NCOA3: variants seen among roughly 807,000 people sequenced by gnomAD.
NCOA3 encodes the protein CBP-interacting protein.
In NCOA3, 51 loss-of-function variants were observed where a neutral mutation model predicts 158.8. That is an observed-to-expected ratio of 0.32 (90% CI 0.26 to 0.41). The LOEUF (loss-of-function observed/expected upper bound fraction) is 0.41, where lower values mean the gene tolerates loss of function less well. Among genes scored for constraint, NCOA3 ranks in the 10% least tolerant of loss-of-function variants. NCOA3 has a pLI of 1.00. For synonymous variants in NCOA3, 537 were observed against 592.4 expected (o/e 0.91, Z 1.36); for missense variants, 1,510 against 1,746.6 (o/e 0.86, Z 2.41).
chr20:47,537,578 T>C (rs1009113297), intron 1 of NCOA3, among the ~76,000 whole-genome samples: 5 of 151,082 alleles, frequency 3.3e-5, no homozygotes, highest in African/African-American at 4.9e-5. Flanking sequence ...GGGGTTTACA[T>C]AGGGTTTTTT....
chr20:47,643,279 A>G (rs2086639792), intron 17 of NCOA3, among the ~76,000 whole-genome samples: 1 of 152,246 alleles, frequency 6.6e-6, no homozygotes, highest in South Asian at 2.1e-4. Flanking sequence ...AACAGTAAGC[A>G]GGAAAGATCA....
chr20:47,591,279 A>G (rs2085634395), intron 2 of NCOA3, among the ~76,000 whole-genome samples: 1 of 152,184 alleles, frequency 6.6e-6, no homozygotes, highest in Non-Finnish European at 1.5e-5. Context: ...TAAGATACCT[A>G]GACATTTTGG....
intron 2 of NCOA3, among the ~76,000 whole-genome samples, chr20:47,600,110 TTG>T (rs11472351): frequency 0.13 from 17,885 of 142,872 alleles, 1,227 homozygotes; most frequent in Middle Eastern, 0.23. Context: ...CTCACTTCCT[TTG>T]TGTGTGTGTG....
intron 1 of NCOA3, among the ~76,000 whole-genome samples, chr20:47,506,137 G>T (rs2146041154): frequency 6.6e-6 from 1 of 152,234 alleles, no homozygotes; most frequent in East Asian, 1.9e-4. Flanking sequence ...GCTTCTTGGG[G>T]TTGGGGAGGG....
intron 1 of NCOA3, among the ~76,000 whole-genome samples, chr20:47,511,550 T>TACATACATAC (rs1556556370): frequency 7.7e-5 from 4 of 52,270 alleles, no homozygotes; most frequent in Non-Finnish European, 1.6e-4. Context: ...TATATATATA[T>TACATACATAC]ATATATTTCT....
intron 1 of NCOA3, among the ~76,000 whole-genome samples, chr20:47,510,707 G>T (rs769237136): frequency 3.3e-5 from 5 of 151,642 alleles, no homozygotes; most frequent in Non-Finnish European, 7.4e-5. Context: ...GGTCCTCCCA[G>T]CGCAGCCTCC....
chr20:47,647,799 G>GT (rs776759920), intron 18 of NCOA3, among the ~76,000 whole-genome samples: 45 of 149,486 alleles, frequency 3.0e-4, no homozygotes, highest in Non-Finnish European at 4.7e-4. Context: ...TTACCCTATT[G>GT]TTTTCTTAGT....
chr20:47,590,854 A>T (rs1226716739), intron 2 of NCOA3, among the ~76,000 whole-genome samples: 1 of 152,124 alleles, frequency 6.6e-6, no homozygotes, highest in Non-Finnish European at 1.5e-5. Context: ...TCATACCTGT[A>T]GTCCCAGCAC....
At chr20:47,547,011 C>G (rs1041830735) in intron 1 of NCOA3, among the ~76,000 whole-genome samples, 2 of 152,194 alleles carry the variant, frequency 1.3e-5, no homozygotes, top group African/African-American at 2.4e-5. Context: ...TTCTTACACT[C>G]TTAATGAGGC....
intron 1 of NCOA3, among the ~76,000 whole-genome samples, chr20:47,555,423 G>A (rs1242068984): frequency 6.6e-6 from 1 of 152,072 alleles, no homozygotes; most frequent in Non-Finnish European, 1.5e-5. Context: ...GTTGTGGTTC[G>A]TGTTTCTCAT....
chr20:47,652,857 A>T (rs1234941898), intron 21 of NCOA3, 74 bp from the exon 22 acceptor site: 56 of 1,493,686 alleles, frequency 3.7e-5, no homozygotes, highest in South Asian at 1.1e-4. Flanking sequence ...ACACAATTGT[A>T]GTAATTTCTG....
At chr20:47,522,743 C>A (rs1407852497) in intron 1 of NCOA3, among the ~76,000 whole-genome samples, 1 of 151,946 alleles carries the variant, frequency 6.6e-6, no homozygotes, top group Non-Finnish European at 1.5e-5. Flanking sequence ...GGCCATGTTG[C>A]CAGGAACTTG....
intron 2 of NCOA3, among the ~76,000 whole-genome samples, chr20:47,597,881 C>T (rs1183117065): frequency 6.6e-6 from 1 of 151,976 alleles, no homozygotes. Context: ...CCCATTAGAG[C>T]CCGTTAACAT....
At chr20:47,518,828 C>T (rs972491258) in intron 1 of NCOA3, among the ~76,000 whole-genome samples, 4 of 152,076 alleles carry the variant, frequency 2.6e-5, no homozygotes, top group African/African-American at 4.8e-5. Flanking sequence ...CACATGCACA[C>T]GAACAATTAA....
At chr20:47,512,880 GGGTGCA>G (rs2146059039) in intron 1 of NCOA3, among the ~76,000 whole-genome samples, 1 of 152,290 alleles carries the variant, frequency 6.6e-6, no homozygotes, top group South Asian at 2.1e-4. Context: ...AATATTGGCT[GGGTGCA>G]GTGGCTCAAG....
At chr20:47,583,127 G>A (rs2085480650) in intron 1 of NCOA3, 56 bp from the exon 2 acceptor site, 1 of 398,258 alleles carries the variant, frequency 2.5e-6, no homozygotes, top group Admixed American at 4.4e-5. Context: ...TAATCATAAT[G>A]CTTAAATGAA....
chr20:47,613,646 C>T (rs180684678), intron 2 of NCOA3, among the ~76,000 whole-genome samples: 1 of 152,292 alleles, frequency 6.6e-6, no homozygotes, highest in East Asian at 1.9e-4. Context: ...GGCGCGGCGG[C>T]TCACGCCTGT....
intron 1 of NCOA3, among the ~76,000 whole-genome samples, chr20:47,565,633 T>G (rs978046709): frequency 7.9e-5 from 12 of 152,112 alleles, no homozygotes; most frequent in African/African-American, 2.9e-4. Flanking sequence ...GGAGGATCAC[T>G]TCACCCTGGG....
intron 1 of NCOA3, among the ~76,000 whole-genome samples, chr20:47,562,603 A>G (rs2085125828): frequency 1.3e-5 from 2 of 151,900 alleles, no homozygotes; most frequent in South Asian, 4.1e-4. Context: ...TCTAGCTTTA[A>G]GGAATTAGTT....
Sources: gnomAD v4.1 joint callset for allele counts (sites outside exome capture counted in the v4.1 genomes callset) on GRCh38, gnomAD v4.1.1 for gene constraint, MANE v1.5 for transcripts, NCBI Gene and HGNC (gene_info 2026-07-23, HGNC 2026-07-21) for gene names.